Variants in TANC2 observed in about 807,000 individuals in gnomAD.
TANC2 encodes protein TANC2.
Under a neutral mutation model 210.5 loss-of-function variants are expected in TANC2, and 26 were observed. The observed-to-expected ratio is 0.12, with a 90% CI of 0.09 to 0.17. TANC2 has a LOEUF of 0.17. Ranked by LOEUF, TANC2 falls within the 10% of genes least tolerant of loss-of-function variation. The pLI, the probability that TANC2 is intolerant of heterozygous loss-of-function variation, is 1.00. For missense variants in TANC2, 2,129 were observed against 2,608.9 expected (o/e 0.82, Z 4.01); for synonymous variants, 931 against 967.1 (o/e 0.96, Z 0.69).
chr17:63,286,552 C>T (rs1160934719), intron 9 of TANC2, among the ~76,000 whole-genome samples: 1 of 152,086 alleles, frequency 6.6e-6, no homozygotes, highest in Non-Finnish European at 1.5e-5. Flanking sequence ...CTCTTTATCA[C>T]TGTTTTGATC....
chr17:63,282,618 C>T (rs1156919557), intron 9 of TANC2, among the ~76,000 whole-genome samples: 1 of 152,046 alleles, frequency 6.6e-6, no homozygotes, highest in Non-Finnish European at 1.5e-5. Flanking sequence ...AAATGATATT[C>T]AAAGTGGTTG....
At chr17:63,043,623 A>G (rs988335182) in intron 2 of TANC2, among the ~76,000 whole-genome samples, 1 of 152,156 alleles carries the variant, frequency 6.6e-6, no homozygotes, top group African/African-American at 2.4e-5. Context: ...ATTAAGCTGT[A>G]TTAGCATTCA....
chr17:62,973,566 T>C (rs1226213250), intron 1 of TANC2, among the ~76,000 whole-genome samples: 1 of 152,212 alleles, frequency 6.6e-6, no homozygotes, highest in Non-Finnish European at 1.5e-5. Flanking sequence ...TTTAGAGAAA[T>C]ATACACACCA....
intron 3 of TANC2, among the ~76,000 whole-genome samples, chr17:63,077,040 G>C (rs950707041): frequency 1.3e-5 from 2 of 152,056 alleles, no homozygotes; most frequent in African/African-American, 4.8e-5. Flanking sequence ...GATTGAAAAG[G>C]CTCACTTTGT....
Position 63,392,092 on chromosome 17 carries a change from C to G in TANC2, c.3051+2548C>G, listed in dbSNP as rs188953568. Among the ~76,000 whole-genome samples, 415 of 152,294 alleles carry G rather than the reference C, an allele frequency of 2.7e-3. 2 individuals carry two copies. The highest frequency in any genetic ancestry group is 9.4e-3 in the African/African-American group (392 of 41,574). On this transcript the variant is annotated intron_variant, in intron 17 of 27. Transcript: ENST00000689528. ...CCCCTCTCTTCTTCTTCTGATAGAACTGTTCACTGAGATCCTCTGGTCTTC... is the reference window on the plus strand; with the variant it reads ...CCCCTCTCTTCTTCTTCTGATAGAAGTGTTCACTGAGATCCTCTGGTCTTC...
At chr17:63,101,544 A>G (rs909525734) in intron 4 of TANC2, among the ~76,000 whole-genome samples, 1 of 152,146 alleles carries the variant, frequency 6.6e-6, no homozygotes, top group Non-Finnish European at 1.5e-5. Context: ...AGTGCTTTTT[A>G]CTTAATCATT....
chr17:62,978,205 C>T (rs1284397284), intron 1 of TANC2, among the ~76,000 whole-genome samples: 1 of 152,076 alleles, frequency 6.6e-6, no homozygotes, highest in East Asian at 1.9e-4. Context: ...AATCTAGCCA[C>T]GTGTTTAAAA....
In TANC2 at chr17:63,268,541, A is replaced by G. The variant is rs554039225; in HGVS notation, c.1159+668A>G. Among the ~76,000 whole-genome samples the G allele has an allele frequency of 7.9e-5, 12 of 152,346 alleles. No individual in the cohort carries two copies. The South Asian group carries it at 2.5e-3, about 32-fold the overall frequency. ...CAAAGTCCAAAAAAATCTGAAATTCAAAACACTTCTGATCCCAAGCATTTT... is the reference window on the plus strand; with the variant it reads ...CAAAGTCCAAAAAAATCTGAAATTCGAAACACTTCTGATCCCAAGCATTTT... On this transcript the variant is annotated intron_variant, in intron 9 of 27. Coordinates refer to ENST00000689528, the Ensembl canonical transcript of TANC2.
At chr17:62,996,989 A>ATTTTTT (rs1568304676) in intron 1 of TANC2, among the ~76,000 whole-genome samples, 2 of 134,958 alleles carry the variant, frequency 1.5e-5, no homozygotes, top group African/African-American at 5.8e-5. Context: ...AATTTTTTGT[A>ATTTTTT]TTTTTAGTAT....
chr17:63,108,478 A>C (rs997177127), intron 4 of TANC2, among the ~76,000 whole-genome samples: 9 of 151,848 alleles, frequency 5.9e-5, no homozygotes, highest in African/African-American at 2.2e-4. Flanking sequence ...AAGATTTCTT[A>C]TACTTGTATT....
chr17:63,194,918 A>C (rs907301000), intron 6 of TANC2, among the ~76,000 whole-genome samples: 2 of 152,114 alleles, frequency 1.3e-5, no homozygotes, highest in African/African-American at 4.8e-5. Flanking sequence ...AGTCAGATTC[A>C]TTTGTATGAT....
chr17:63,277,312 C>T (rs1165275173), intron 9 of TANC2, among the ~76,000 whole-genome samples: 1 of 149,490 alleles, frequency 6.7e-6, no homozygotes, highest in African/African-American at 2.5e-5. Flanking sequence ...TTTTAGGTTC[C>T]GGGGTGCGTG....
chr17:63,358,613 C>T (rs2046859328), intron 14 of TANC2, among the ~76,000 whole-genome samples: 1 of 152,078 alleles, frequency 6.6e-6, no homozygotes, highest in East Asian at 1.9e-4. Flanking sequence ...TTCTCTTGGG[C>T]ACGGAGATAT....
chr17:63,185,401 C>T (rs1350530349), intron 5 of TANC2, among the ~76,000 whole-genome samples: 1 of 152,152 alleles, frequency 6.6e-6, no homozygotes, highest in African/African-American at 2.4e-5. Context: ...CCTTGATGGA[C>T]ATTTTCAACT....
chr17:63,287,107 A>G (rs1227279370), intron 9 of TANC2, among the ~76,000 whole-genome samples: 4 of 151,864 alleles, frequency 2.6e-5, no homozygotes, highest in African/African-American at 9.7e-5. Flanking sequence ...TAATTTTTCT[A>G]TTTTTAGTAG....
chr17:62,974,971 A>T (rs1206778545), intron 1 of TANC2, among the ~76,000 whole-genome samples: 1 of 152,196 alleles, frequency 6.6e-6, no homozygotes, highest in Admixed American at 6.5e-5. Flanking sequence ...CTGTAATACC[A>T]TGCTAGCATT....
intron 4 of TANC2, among the ~76,000 whole-genome samples, chr17:63,118,122 TA>T (rs1318008925): frequency 1.3e-5 from 2 of 152,196 alleles, no homozygotes; most frequent in Non-Finnish European, 2.9e-5. Context: ...AGTATCCTTA[TA>T]AATAAAATAC....
intron 2 of TANC2, among the ~76,000 whole-genome samples, chr17:63,014,955 G>A (rs1317892676): frequency 1.3e-5 from 2 of 151,880 alleles, no homozygotes; most frequent in Non-Finnish European, 1.5e-5. Context: ...AGATTATTCC[G>A]AGGCAACAAT....
At chr17:63,222,338 T>C (rs141296367) in intron 7 of TANC2, among the ~76,000 whole-genome samples, 2,004 of 152,268 alleles carry the variant, frequency 0.013, 12 homozygotes, top group Non-Finnish European at 0.022. Flanking sequence ...ACAACTCAGA[T>C]GCCATCAAAC....
Sources: allele counts gnomAD v4.1 joint callset (sites outside exome capture counted in the v4.1 genomes callset), GRCh38; gene constraint gnomAD v4.1.1; transcripts MANE v1.5; gene names NCBI Gene and HGNC (gene_info 2026-07-23, HGNC 2026-07-21).